DCAF6: variants seen among roughly 807,000 people sequenced by gnomAD.
DCAF6 encodes the protein DDB1- and CUL4-associated factor 6.
A neutral mutation model predicts 125.1 loss-of-function variants in DCAF6; 54 were observed. The ratio of observed to expected loss-of-function variants is 0.43; its 90% CI spans 0.35 to 0.54. The LOEUF is 0.54. DCAF6 is among the 20% of genes least tolerant of loss of function. The pLI, the probability that DCAF6 is intolerant of heterozygous loss-of-function variation, is 0.01. For missense variants in DCAF6, 934 were observed against 1,161.7 expected (o/e 0.80, Z 2.85); for synonymous variants, 371 against 390.4 (o/e 0.95, Z 0.58).
At chr1:168,031,096 T>C (rs572493514) in intron 12 of DCAF6, among the ~76,000 whole-genome samples, 6 of 152,246 alleles carry the variant, frequency 3.9e-5, no homozygotes, top group South Asian at 2.1e-4. Flanking sequence ...AGAAAAGATA[T>C]CAGAGCTCAA....
upstream of DCAF6, among the ~76,000 whole-genome samples, chr1:167,931,221 C>T (rs749475358): frequency 3.0e-4 from 45 of 152,306 alleles, no homozygotes; most frequent in African/African-American, 8.4e-4. Context: ...TGTGAGCTAC[C>T]GCGCCCAGCT....
intron 17 of DCAF6, among the ~76,000 whole-genome samples, chr1:168,059,908 A>C (rs1691371940): frequency 6.6e-6 from 1 of 152,098 alleles, no homozygotes. Context: ...TTAGCCTCCC[A>C]AACTGCTGGG....
At chr1:168,067,810 C>G (rs1048182240) in intron 20 of DCAF6, among the ~76,000 whole-genome samples, 4 of 152,012 alleles carry the variant, frequency 2.6e-5, no homozygotes, top group Admixed American at 6.6e-5. Flanking sequence ...TTCCTTTGCT[C>G]ATGGTTACAT....
the DCAF6 span, among the ~76,000 whole-genome samples, chr1:167,866,523 T>C: frequency 9.3e-6 from 1 of 107,396 alleles, no homozygotes. Flanking sequence ...GTGCACACTC[T>C]ATGTGCCAAA....
the DCAF6 span, among the ~76,000 whole-genome samples, chr1:167,898,035 T>C: frequency 5.3e-5 from 7 of 132,650 alleles, 1 homozygote; most frequent in African/African-American, 1.7e-4. Flanking sequence ...ATCAACAAAA[T>C]GCAATGTGAG....
In DCAF6 at chr1:168,044,884, CTT is replaced by C; in HGVS notation, c.1931-14_1931-13del. On this transcript the variant is annotated splice_polypyrimidine_tract_variant and intron_variant, in intron 15 of 21. Coordinates refer to ENST00000367840, the MANE Select transcript of DCAF6 (RefSeq NM_001198956.2). ...CCACATTACCACCTGTTACATACAA[CTT>C]TATTTTCTGACAGCACAATCAGATA... 6.2e-7 allele frequency: 1 copy of C among 1,610,170 alleles called. No homozygotes were observed. Among genetic ancestry groups the C allele is most frequent in the Non-Finnish European group, 8.5e-7 (1 of 1,178,476 alleles).
chr1:167,933,877 G>A (rs1040171919), upstream of DCAF6, among the ~76,000 whole-genome samples: 1 of 152,154 alleles, frequency 6.6e-6, no homozygotes, highest in African/African-American at 2.4e-5. Context: ...CAGTTATTGA[G>A]AGTCTAAGTG....
intron 2 of DCAF6, among the ~76,000 whole-genome samples, chr1:167,956,660 T>A (rs898575531): frequency 6.6e-6 from 1 of 152,188 alleles, no homozygotes; most frequent in Non-Finnish European, 1.5e-5. Flanking sequence ...GTCATTGATA[T>A]GAGACCGTTG....
intron 10 of DCAF6, among the ~76,000 whole-genome samples, chr1:168,009,434 C>A (rs1683928079): frequency 8.0e-6 from 1 of 125,498 alleles, no homozygotes; most frequent in African/African-American, 3.2e-5. Context: ...TTCTGTCTCT[C>A]TCTCTTTCTT....
chr1:167,918,163 A>G, the DCAF6 span: 1 of 562,252 alleles, frequency 1.8e-6, no homozygotes, highest in Non-Finnish European at 3.1e-6. Flanking sequence ...AGAGACTGTT[A>G]TTAAAAGTTT....
At chr1:167,936,112 G>C (rs948019576), upstream of DCAF6, 3 of 526,596 alleles carry the variant, frequency 5.7e-6, no homozygotes, top group East Asian at 6.8e-5. Context: ...CATGGCAACA[G>C]GTGCCAAAAT....
intron 12 of DCAF6, among the ~76,000 whole-genome samples, chr1:168,025,628 G>A (rs1432938503): frequency 6.6e-6 from 1 of 151,990 alleles, no homozygotes; most frequent in Non-Finnish European, 1.5e-5. Flanking sequence ...CACATTGCAG[G>A]CTCACATTAC....
chr1:168,069,144 T>G (rs1169836615), intron 21 of DCAF6, among the ~76,000 whole-genome samples: 3 of 152,170 alleles, frequency 2.0e-5, no homozygotes, highest in African/African-American at 7.2e-5. Context: ...TTATCCTCAT[T>G]TACCTCCAAT....
chr1:167,894,118 C>T, the DCAF6 span, among the ~76,000 whole-genome samples: 27 of 152,158 alleles, frequency 1.8e-4, no homozygotes, highest in Non-Finnish European at 2.8e-4. Flanking sequence ...CAAAGAGGAG[C>T]TCTTAGAGGT....
chr1:168,032,163 C>T (rs1182635529), intron 12 of DCAF6, among the ~76,000 whole-genome samples: 3 of 152,134 alleles, frequency 2.0e-5, no homozygotes, highest in African/African-American at 7.2e-5. Context: ...AATGGACTTC[C>T]TAATAAATAT....
chr1:168,034,529 A>T (rs1221371364), intron 12 of DCAF6, among the ~76,000 whole-genome samples: 1 of 152,200 alleles, frequency 6.6e-6, no homozygotes, highest in Non-Finnish European at 1.5e-5. Context: ...GGAGTGGGGG[A>T]GGAAAAGTCC....
At chr1:167,891,097 G>T in the DCAF6 span, among the ~76,000 whole-genome samples, 26 of 152,130 alleles carry the variant, frequency 1.7e-4, no homozygotes, top group Non-Finnish European at 1.3e-4. Context: ...GAGTAGCTGG[G>T]ATTACAGGTG....
At chr1:168,052,717 C>T (rs1690103754) in intron 17 of DCAF6, among the ~76,000 whole-genome samples, 1 of 152,158 alleles carries the variant, frequency 6.6e-6, no homozygotes, top group Non-Finnish European at 1.5e-5. Flanking sequence ...CTATAATCTG[C>T]TAAGATTCTG....
intron 16 of DCAF6, among the ~76,000 whole-genome samples, chr1:168,046,172 ACT>A (rs1252432539): frequency 6.6e-6 from 1 of 151,980 alleles, no homozygotes; most frequent in East Asian, 1.9e-4. Context: ...TTACTTAATG[ACT>A]CTTAAAGATT....
Sources: allele counts gnomAD v4.1 joint callset (sites outside exome capture counted in the v4.1 genomes callset), GRCh38; gene constraint gnomAD v4.1.1; transcripts MANE v1.5; gene names NCBI Gene and HGNC (gene_info 2026-07-23, HGNC 2026-07-21).